USH2A: variants seen among roughly 807,000 people sequenced by gnomAD.
The protein encoded by USH2A is usherin, also known as Usher syndrome 2A (autosomal recessive, mild).
Under a neutral mutation model 538.9 loss-of-function variants are expected in USH2A, and 443 were observed. That is an observed-to-expected ratio of 0.82 (90% CI 0.76 to 0.89). USH2A has a LOEUF of 0.89. Ranked by LOEUF, USH2A falls within the 40% of genes least tolerant of loss-of-function variation. The probability of loss-of-function intolerance (pLI) is 0.00; values close to 1 mark genes in which losing one functional copy is unlikely to be tolerated. For missense variants in USH2A, 6,633 were observed against 6,324.8 expected, an observed-to-expected ratio of 1.05 and a Z score of -1.65; for synonymous variants, 2,413 against 2,273.5, an observed-to-expected ratio of 1.06 and a Z score of -1.75.
chr1:215,843,580 A>C (rs537578014), intron 46 of USH2A, among the ~76,000 whole-genome samples: 1 of 152,320 alleles, frequency 6.6e-6, no homozygotes, highest in South Asian at 2.1e-4. Flanking sequence ...CAAGTGCATA[A>C]ATATTTTTCT....
intron 37 of USH2A, among the ~76,000 whole-genome samples, chr1:215,942,432 GT>G (rs1666656866): frequency 6.6e-6 from 1 of 152,140 alleles, no homozygotes; most frequent in African/African-American, 2.4e-5. Flanking sequence ...ACACCAGGAG[GT>G]GGGGAAAGTC....
At chr1:216,321,239 A>G (rs1166847192) in intron 9 of USH2A, among the ~76,000 whole-genome samples, 1 of 152,122 alleles carries the variant, frequency 6.6e-6, no homozygotes, top group Non-Finnish European at 1.5e-5. Context: ...CATATCAGCT[A>G]TTTCTGATGT....
At chr1:216,316,922 T>C (rs960343629) in intron 9 of USH2A, among the ~76,000 whole-genome samples, 1 of 152,224 alleles carries the variant, frequency 6.6e-6, no homozygotes, top group African/African-American at 2.4e-5. Context: ...GCCCAGTTTT[T>C]AATGGGGTTG....
At chr1:215,773,810 A>G (rs972175621) in intron 55 of USH2A, among the ~76,000 whole-genome samples, 1 of 152,276 alleles carries the variant, frequency 6.6e-6, no homozygotes, top group East Asian at 1.9e-4. Context: ...ACTGTGATGG[A>G]TAGAGCCATA....
chr1:215,931,824 G>A (rs1390637851), intron 38 of USH2A, among the ~76,000 whole-genome samples: 1 of 151,956 alleles, frequency 6.6e-6, no homozygotes, highest in Non-Finnish European at 1.5e-5. Context: ...GATTGTGACA[G>A]ATTAAACAGG....
intron 49 of USH2A, among the ~76,000 whole-genome samples, chr1:215,803,368 G>C (rs575264301): frequency 3.3e-4 from 50 of 152,264 alleles, no homozygotes; most frequent in African/African-American, 1.2e-3. Flanking sequence ...TGACATGATT[G>C]TATATCTAGA....
rs569416939 is a variant in USH2A, at chr1:216,151,426, C to T, written c.4627+23826G>A. ...AAATGGGACCGAAGAGCTCCCTGTT[C>T]CCCTCATGACACCGACATGACAAAA... On this transcript the variant is annotated intron_variant, in intron 21 of 71. Coordinates refer to ENST00000307340, the MANE Select transcript of USH2A (RefSeq NM_206933.4). Among the ~76,000 whole-genome samples the T allele has an allele frequency of 1.0e-3, 158 of 152,226 alleles. 1 individual carries two copies. The highest frequency in any genetic ancestry group is 2.5e-3 in the Admixed American group (39 of 15,300).
intron 65 of USH2A, among the ~76,000 whole-genome samples, chr1:215,649,046 T>C (rs1464040152): frequency 6.6e-6 from 1 of 152,144 alleles, no homozygotes; most frequent in Non-Finnish European, 1.5e-5. Context: ...TCTATTACCT[T>C]AGAAAGGTAT....
chr1:215,985,060 A>C (rs893644188), intron 35 of USH2A, among the ~76,000 whole-genome samples: 1 of 152,200 alleles, frequency 6.6e-6, no homozygotes, highest in Admixed American at 6.5e-5. Flanking sequence ...AAAGTTACGC[A>C]AGGTTTGCTC....
intron 61 of USH2A, among the ~76,000 whole-genome samples, chr1:215,686,207 A>G (rs1382886789): frequency 6.6e-6 from 1 of 152,168 alleles, no homozygotes; most frequent in African/African-American, 2.4e-5. Context: ...AGGAACTTAT[A>G]ATCTAATAGA....
chr1:216,119,391 T>A (rs1220749365), intron 21 of USH2A, among the ~76,000 whole-genome samples: 1 of 151,978 alleles, frequency 6.6e-6, no homozygotes, highest in Non-Finnish European at 1.5e-5. Flanking sequence ...CTGAGTTGTT[T>A]AGCTTTGTGA....
rs111383229 is a variant in USH2A, at chr1:216,090,903, C to T, written c.4759-1764G>A. On this transcript the variant is annotated intron_variant, in intron 22 of 71. Coordinates refer to ENST00000307340, the MANE Select transcript of USH2A (RefSeq NM_206933.4). ...GTCTCATCAAAGTGTACTTAGTTAG[C>T]GTTAAAATTGTTACAAACGATGCTG... Among the ~76,000 whole-genome samples the T allele has an allele frequency of 1.6e-4, 24 of 152,146 alleles. 1 individual carries two copies. Among genetic ancestry groups the T allele is most frequent in the African/African-American group, 4.8e-4 (20 of 41,536 alleles).
intron 61 of USH2A, among the ~76,000 whole-genome samples, chr1:215,685,177 C>T (rs1168610067): frequency 6.6e-6 from 1 of 151,962 alleles, no homozygotes; most frequent in East Asian, 1.9e-4. Flanking sequence ...GACAAATCAA[C>T]ACAAAATATT....
intron 35 of USH2A, among the ~76,000 whole-genome samples, chr1:215,992,116 A>G (rs1415893887): frequency 6.6e-6 from 1 of 152,338 alleles, no homozygotes; most frequent in South Asian, 2.1e-4. Flanking sequence ...CATAGTAAAC[A>G]TAAGACAAAC....
intron 56 of USH2A, among the ~76,000 whole-genome samples, chr1:215,765,929 G>T (rs1364614742): frequency 6.6e-6 from 1 of 152,132 alleles, no homozygotes; most frequent in Non-Finnish European, 1.5e-5. Flanking sequence ...CAAAATAAAT[G>T]CTTCAATAAA....
intron 35 of USH2A, among the ~76,000 whole-genome samples, chr1:215,990,760 CTTTTTTT>C (rs35293238): frequency 8.7e-6 from 1 of 114,582 alleles, no homozygotes; most frequent in African/African-American, 3.3e-5. Flanking sequence ...CTTAATTTTC[CTTTTTTT>C]TTTTTTTTTT....
At chr1:216,374,288 C>CA (rs34338688) in intron 3 of USH2A, among the ~76,000 whole-genome samples, 92,200 of 146,352 alleles carry the variant, frequency 0.63, 29,856 homozygotes, top group East Asian at 0.84. Context: ...AGTGCCGACC[C>CA]AAAAAAAAAA....
At chr1:215,842,174 A>G (rs1663698129) in intron 46 of USH2A, among the ~76,000 whole-genome samples, 1 of 152,134 alleles carries the variant, frequency 6.6e-6, no homozygotes, top group African/African-American at 2.4e-5. Flanking sequence ...AAATATACAC[A>G]AAAGAATAAC....
rs115161456 is a variant in USH2A, at chr1:216,374,769, C to T, written c.652-9684G>A. On this transcript the variant is annotated intron_variant, in intron 3 of 71. Transcript: ENST00000307340. ...GGACAGTATAGACCCCATACAGCTG[C>T]ATTCTGGATCATATTGACATGTTCT... 6.2e-3 allele frequency among the ~76,000 whole-genome samples: 938 copies of T among 152,206 alleles called. 5 individuals carry two copies. The highest frequency in any genetic ancestry group is 9.0e-3 in the Non-Finnish European group (615 of 68,000).
Sources: allele counts gnomAD v4.1 joint callset (sites outside exome capture counted in the v4.1 genomes callset), GRCh38; gene constraint gnomAD v4.1.1; transcripts MANE v1.5; gene names NCBI Gene and HGNC (gene_info 2026-07-23, HGNC 2026-07-21).